KCNG3: variants seen among roughly 807,000 people sequenced by gnomAD.
KCNG3 encodes potassium voltage-gated channel modifier subfamily G member 3, also known as voltage-gated potassium channel regulatory subunit KCNG3.
In KCNG3, 15 loss-of-function variants were observed where a neutral mutation model predicts 29.0. The observed-to-expected ratio is 0.52, with a 90% CI of 0.35 to 0.80. The LOEUF is 0.80. KCNG3 is among the 30% of genes least tolerant of loss of function. The pLI is 0.01. For synonymous variants in KCNG3, 322 were observed against 248.9 expected, an observed-to-expected ratio of 1.29 and a Z score of -2.76; for missense variants, 512 against 605.7, an observed-to-expected ratio of 0.85 and a Z score of 1.62.
At chr2:42,396,460 T>G in the KCNG3 span, among the ~76,000 whole-genome samples, 1 of 152,168 alleles carries the variant, frequency 6.6e-6, no homozygotes. Context: ...TAATAAAAAG[T>G]CCAACCAACC....
In KCNG3 at chr2:42,443,834, G is replaced by A; in HGVS notation, c.*100C>T. On this transcript the variant is annotated 3_prime_UTR_variant, in exon 2 of 2. Transcript: ENST00000306078. ...ATAATTTTTACCCTACCAAGATGAT[G>A]ACAATGCCACTGCAGTGCTCACCCA... 3 of 1,125,460 alleles carry A rather than the reference G, an allele frequency of 2.7e-6. No individual in the cohort carries two copies. The highest frequency in any genetic ancestry group is 4.7e-5 in the Admixed American group (2 of 42,602). The allele number at this position is 1,125,460 out of a possible 1,614,324, so 69.7% of individuals were successfully genotyped here.
chr2:42,485,787 A>G (rs758837726), intron 1 of KCNG3, among the ~76,000 whole-genome samples: 22 of 152,212 alleles, frequency 1.4e-4, no homozygotes, highest in Non-Finnish European at 2.2e-4. Flanking sequence ...TCTATATGTT[A>G]AAATGAGAAA....
At chr2:42,433,634 G>A in the KCNG3 span, among the ~76,000 whole-genome samples, 1 of 152,280 alleles carries the variant, frequency 6.6e-6, no homozygotes, top group South Asian at 2.1e-4. Context: ...AGCTACTTGA[G>A]AGGCTGAGGC....
the KCNG3 span, among the ~76,000 whole-genome samples, chr2:42,410,246 T>C: frequency 4.6e-5 from 7 of 152,320 alleles, no homozygotes; most frequent in South Asian, 2.1e-4. Context: ...TTTTCTATTA[T>C]ATACAATGCA....
the KCNG3 span, among the ~76,000 whole-genome samples, chr2:42,430,678 G>C: frequency 1.3e-5 from 2 of 152,130 alleles, no homozygotes; most frequent in Non-Finnish European, 2.9e-5. Flanking sequence ...GATCACTTGA[G>C]CCCAGATGGT....
In KCNG3 at chr2:42,492,953, C is replaced by A; in HGVS notation, c.549G>T (p.Val183=). Residue 183 remains valine, a synonymous_variant, in exon 1 of 2, where the codon GTG becomes GTT. Coordinates refer to ENST00000306078, the MANE Select transcript of KCNG3 (RefSeq NM_133329.6). ...LASVSVVFVI[V]SMVVLCASTL... The stretch of plus-strand genomic sequence containing the variant: ...TGCTGGCGCACAGCACCACCATGGA[C>A]ACGATCACGAACACCACCGACACGC... The A allele has an allele frequency of 6.3e-7, 1 of 1,585,062 alleles. No individual in the cohort carries two copies. Among genetic ancestry groups the A allele is most frequent in the Non-Finnish European group, 8.6e-7 (1 of 1,169,332 alleles).
chr2:42,420,430 A>G, the KCNG3 span, among the ~76,000 whole-genome samples: 2 of 152,178 alleles, frequency 1.3e-5, no homozygotes, highest in East Asian at 3.9e-4. Flanking sequence ...GTATCACATG[A>G]GTGGAAGTGC....
the KCNG3 span, among the ~76,000 whole-genome samples, chr2:42,430,403 T>G: frequency 6.7e-6 from 1 of 150,038 alleles, no homozygotes; most frequent in Non-Finnish European, 1.5e-5. Flanking sequence ...AATAAATAAA[T>G]AAATAAATAC....
the KCNG3 span, among the ~76,000 whole-genome samples, chr2:42,423,054 C>T: frequency 6.6e-6 from 1 of 152,188 alleles, no homozygotes. Flanking sequence ...AAAATCCTGA[C>T]CATTTGGACC....
Position 42,444,428 on chromosome 2 carries a change from C to G in KCNG3, c.817G>C (p.Val273Leu). Residue 273 changes from valine to leucine, a missense_variant, in exon 2 of 2, where the codon GTG (valine) becomes CTG (leucine). Physicochemically the swap from Val to Leu is conservative, Grantham distance 32 (BLOSUM62 1). Coordinates refer to ENST00000306078, the MANE Select transcript of KCNG3 (RefSeq NM_133329.6). This position sits in a 1 kb window ranked among gnomAD's most constrained non-coding sequence, Gnocchi z 5.8. ...TPYYISVLMT[V>L]FTGENSQLQR... ...AGTTGAGAGTTCTCGCCTGTAAACA[C>G]TGTCATCAACACAGAGATGTAATAC... 6.2e-7 allele frequency: 1 copy of G among 1,614,156 alleles called. No individual in the cohort carries two copies. The highest frequency in any genetic ancestry group is 8.5e-7 in the Non-Finnish European group (1 of 1,180,046).
the KCNG3 span, among the ~76,000 whole-genome samples, chr2:42,417,647 C>T: frequency 1.3e-5 from 2 of 152,066 alleles, no homozygotes; most frequent in African/African-American, 2.4e-5. Context: ...AAATTACGTG[C>T]TCATTGTTTT....
At chr2:42,489,280 C>T (rs1673813219) in intron 1 of KCNG3, among the ~76,000 whole-genome samples, 1 of 152,110 alleles carries the variant, frequency 6.6e-6, no homozygotes, top group Non-Finnish European at 1.5e-5. Context: ...GTCCCAGCTA[C>T]TCCACAGGCT....
chr2:42,491,254 T>TTA (rs1673867971), intron 1 of KCNG3, among the ~76,000 whole-genome samples: 1 of 152,160 alleles, frequency 6.6e-6, no homozygotes, highest in Admixed American at 6.6e-5. Context: ...TACAAATGCT[T>TTA]TACATTAATG....
At chr2:42,466,180 C>A (rs1237627732) in intron 1 of KCNG3, among the ~76,000 whole-genome samples, 2 of 152,150 alleles carry the variant, frequency 1.3e-5, no homozygotes, top group African/African-American at 4.8e-5. Flanking sequence ...CCAAGATAGG[C>A]GGATCACCTA....
chr2:42,414,836 T>C, the KCNG3 span, among the ~76,000 whole-genome samples: 1 of 152,214 alleles, frequency 6.6e-6, no homozygotes, highest in African/African-American at 2.4e-5. Context: ...ATGTCCAGCC[T>C]AGAAGTTTTA....
Position 42,493,905 on chromosome 2 carries a change from A to G in KCNG3, c.-404T>C, listed in dbSNP as rs1397120651. The G allele has an allele frequency of 5.0e-5, 8 of 161,206 alleles. No individual in the cohort carries two copies. The highest frequency in any genetic ancestry group is 1.1e-4 in the Non-Finnish European group (8 of 74,508). 10.0% of individuals were successfully genotyped at this position (161,206 alleles called of 1,614,324 possible). A position where few individuals can be genotyped will look rare whatever the true frequency, so the allele number is the denominator to read the frequency against. ...CCGAATGGAGCCGCCGGGGCGGAAT[A>G]GCTCCCCGTCTCCGGCGCTCCCTGC... On this transcript the variant is annotated 5_prime_UTR_variant, in exon 1 of 2. Coordinates refer to ENST00000306078, the MANE Select transcript of KCNG3 (RefSeq NM_133329.6).
the KCNG3 span, among the ~76,000 whole-genome samples, chr2:42,424,119 A>G: frequency 6.6e-6 from 1 of 152,200 alleles, no homozygotes; most frequent in Non-Finnish European, 1.5e-5. Context: ...CTTTCTGCAA[A>G]GTAAAACGGC....
intron 1 of KCNG3, among the ~76,000 whole-genome samples, chr2:42,488,776 C>A (rs1055758134): frequency 3.3e-5 from 5 of 152,072 alleles, no homozygotes; most frequent in African/African-American, 1.2e-4. Context: ...TCTCGAACTC[C>A]TGACCTCAGG....
the KCNG3 span, among the ~76,000 whole-genome samples, chr2:42,406,366 T>A: frequency 6.6e-6 from 1 of 151,718 alleles, no homozygotes; most frequent in Admixed American, 6.6e-5. Flanking sequence ...ATTACAGGCA[T>A]GTGCCACCAC....
Sources: allele counts gnomAD v4.1 joint callset (sites outside exome capture counted in the v4.1 genomes callset), GRCh38; gene constraint gnomAD v4.1.1; non-coding constraint Gnocchi (gnomAD v3.1); transcripts MANE v1.5; gene names NCBI Gene and HGNC (gene_info 2026-07-23, HGNC 2026-07-21).